Variants in NRIP2 observed in about 807,000 individuals in gnomAD.
The protein encoded by NRIP2 is nuclear receptor-interacting protein 2.
Under a neutral mutation model 34.1 loss-of-function variants are expected in NRIP2, and 27 were observed. That is an observed-to-expected ratio of 0.79 (90% CI 0.58 to 1.09). The LOEUF (loss-of-function observed/expected upper bound fraction) is 1.09, where lower values mean the gene tolerates loss of function less well. Among genes scored for constraint, NRIP2 ranks in the 50% least tolerant of loss-of-function variants. NRIP2 has a pLI of 0.00. For synonymous variants in NRIP2, 145 were observed against 146.9 expected (o/e 0.99, Z 0.09); for missense variants, 385 against 352.6 (o/e 1.09, Z -0.74).
At position 2,834,632 on chromosome 12, in the gene NRIP2, G is replaced by A; in HGVS notation, c.342+10C>T. 6.4e-7 allele frequency: 1 copy of A among 1,572,862 alleles called. No homozygotes were observed. The highest frequency in any genetic ancestry group is 8.6e-7 in the Non-Finnish European group (1 of 1,159,844). On this transcript the variant is annotated intron_variant, in intron 1 of 5. Transcript: ENST00000337508. ...CAGGGGACGCTGGCAGGGGAGGGGT[G>A]ATGCCTCACCAAGTCCTTGGAGGTG...
At position 2,834,908 on chromosome 12, in the gene NRIP2, GTC is replaced by G. The variant is rs750711688; in HGVS notation, c.74_75del (p.Arg25ThrfsTer36). 1.5e-5 allele frequency: 25 copies of G among 1,613,668 alleles called. No homozygotes were observed. The East Asian group carries it at 5.1e-4, about 33-fold the overall frequency. On this transcript the variant is annotated frameshift_variant, in exon 1 of 6. Coordinates refer to ENST00000337508, the MANE Select transcript of NRIP2 (RefSeq NM_031474.3). LOFTEE classifies it high-confidence loss of function. ...GAGTCCTCTCTGCTTCTTCCTGCCT[GTC>G]TCTGTCCCGTGCTGCAGCTCTCTTT... is the stretch of plus-strand genomic sequence containing the variant. ...CWKESCSTGQ[R>X]QAGRSREDSV...
intron 2 of NRIP2, 200 bp downstream of exon 2, chr12:2,830,508 G>A (rs530972890): frequency 1.1e-4 from 61 of 531,388 alleles, no homozygotes; most frequent in African/African-American, 1.0e-3. Flanking sequence ...TAATGGTGGT[G>A]ACAGATGGAG....
chr12:2,833,771 C>G (rs892631300), intron 1 of NRIP2, among the ~76,000 whole-genome samples: 9 of 152,230 alleles, frequency 5.9e-5, no homozygotes, highest in African/African-American at 2.2e-4. Context: ...CTATTAGGCA[C>G]TGTTCTAAGT....
intron 1 of NRIP2, among the ~76,000 whole-genome samples, chr12:2,833,928 G>A (rs967586375): frequency 7.2e-5 from 11 of 152,198 alleles, no homozygotes; most frequent in Admixed American, 5.2e-4. Context: ...GATCCCAAGC[G>A]AAGTGGCTGC....
At position 2,826,861 on chromosome 12, in the gene NRIP2, G is replaced by A. The variant is rs928712404; in HGVS notation, c.*346C>T. The A allele has an allele frequency of 1.1e-4, 53 of 496,354 alleles. No homozygotes were observed. Among genetic ancestry groups the A allele is most frequent in the African/African-American group, 9.7e-4 (46 of 47,508 alleles). 30.7% of individuals were successfully genotyped at this position (496,354 alleles called of 1,614,324 possible). A position where few individuals can be genotyped will look rare whatever the true frequency, so the allele number is the denominator to read the frequency against. Reference sequence around the variant, plus strand: ...TGGGGTGGTATTGGGTGATGGACAAGGACAGCAGTCAGCAGAGCCTTCGAC... The same window carrying A: ...TGGGGTGGTATTGGGTGATGGACAAAGACAGCAGTCAGCAGAGCCTTCGAC... On this transcript the variant is annotated 3_prime_UTR_variant, in exon 6 of 6. Transcript: ENST00000337508.
chr12:2,830,807 A>T lies in NRIP2; in HGVS notation c.396T>A (p.Leu132=), dbSNP rs1274949620. The change falls in exon 2 of 6, where the codon CTT becomes CTA. Residue 132 remains leucine, a synonymous_variant. Transcript: ENST00000337508. The stretch of plus-strand genomic sequence containing the variant: ...CCTGCATCCGGGGAGGCTCCCCCTG[A>T]AGCCAATTCGGGTTTCCCTCCACCA... ...RRLVEGNPNW[L]QGEPPRMQDL... 6.2e-7 allele frequency: 1 copy of T among 1,613,714 alleles called. No individual in the cohort carries two copies.
chr12:2,833,290 G>A (rs377580590), intron 1 of NRIP2, among the ~76,000 whole-genome samples: 1 of 152,100 alleles, frequency 6.6e-6, no homozygotes, highest in Non-Finnish European at 1.5e-5. Context: ...GAGAGCCGAA[G>A]AACCCGCTTC....
In NRIP2 at chr12:2,827,376, T is replaced by C. The variant is rs1044549462; in HGVS notation, c.754-77A>G. ...CCCGGCCTGCTCCTTTTGTTCCCCC[T>C]CCCACTTCCCACAGCTTCCACCTGC... On this transcript the variant is annotated intron_variant, in intron 5 of 5. Coordinates refer to ENST00000337508, the MANE Select transcript of NRIP2 (RefSeq NM_031474.3). The surrounding 1 kb of genome is among the most constrained non-coding windows in gnomAD (Gnocchi z 4.0). 2.6e-6 allele frequency: 4 copies of C among 1,539,508 alleles called. No individual in the cohort carries two copies. Among genetic ancestry groups the C allele is most frequent in the Admixed American group, 4.5e-5 (2 of 44,884 alleles).
chr12:2,829,315 G>A (rs1256733857), intron 2 of NRIP2, among the ~76,000 whole-genome samples: 3 of 152,062 alleles, frequency 2.0e-5, no homozygotes, highest in Non-Finnish European at 4.4e-5. Flanking sequence ...TTTGATATAC[G>A]CTTGGATATA....
At position 2,827,340 on chromosome 12, in the gene NRIP2, G is replaced by T. The variant is rs762258695; in HGVS notation, c.754-41C>A. The T allele has an allele frequency of 2.5e-6, 4 of 1,588,232 alleles. No homozygotes were observed. The highest frequency in any genetic ancestry group is 2.6e-6 in the Non-Finnish European group (3 of 1,169,412). On this transcript the variant is annotated intron_variant, in intron 5 of 5. Transcript: ENST00000337508. This position sits in a 1 kb window ranked among gnomAD's most constrained non-coding sequence, Gnocchi z 4.0. ...CAGTCATGCCAGGTCACCTCAGCCC[G>T]CCACCTGCCTCCCGGCCTGCTCCTT...
intron 1 of NRIP2, among the ~76,000 whole-genome samples, chr12:2,832,052 A>G (rs1190378961): frequency 6.6e-6 from 1 of 151,840 alleles, no homozygotes; most frequent in Admixed American, 6.6e-5. Context: ...AAACCTTGCT[A>G]CTCCAAAATG....
Position 2,827,700 on chromosome 12 carries a change from G to C in NRIP2, c.701-23C>G. On this transcript the variant is annotated intron_variant, in intron 4 of 5. Transcript: ENST00000337508. This position sits in a 1 kb window ranked among gnomAD's most constrained non-coding sequence, Gnocchi z 4.0. ...CATCTATAGGAACAATTTGAAAACA[G>C]AAGAGGCTGAGGGTTCCCAGTGGTC... The C allele has an allele frequency of 6.2e-7, 1 of 1,613,814 alleles. No homozygotes were observed. Among genetic ancestry groups the C allele is most frequent in the South Asian group, 1.1e-5 (1 of 91,054 alleles).
At chr12:2,830,941 C>T in intron 1 of NRIP2, 81 bp from the exon 2 acceptor site, 1 of 1,470,342 alleles carries the variant, frequency 6.8e-7, no homozygotes, top group Non-Finnish European at 9.2e-7. Context: ...CTTAGATACC[C>T]CAGGATGCTC....
intron 1 of NRIP2, among the ~76,000 whole-genome samples, chr12:2,831,945 C>G (rs1565432002): frequency 6.6e-6 from 1 of 152,102 alleles, no homozygotes; most frequent in East Asian, 1.9e-4. Context: ...CCCCACAGCT[C>G]TCTCGGATCC....
At position 2,826,746 on chromosome 12, in the gene NRIP2, T is replaced by C. The variant is rs1390450435; in HGVS notation, c.*461A>G. ...ACACCAGGAGGTCCAGGGACATAGG[T>C]TGGTGAGGCATGGCGGTCTAGTTGT... On this transcript the variant is annotated 3_prime_UTR_variant, in exon 6 of 6. Coordinates refer to ENST00000337508, the MANE Select transcript of NRIP2 (RefSeq NM_031474.3). 1.0e-5 allele frequency: 2 copies of C among 194,148 alleles called. No homozygotes were observed. Among genetic ancestry groups the C allele is most frequent in the Non-Finnish European group, 2.1e-5 (2 of 96,076 alleles). The allele number at this position is 194,148 out of a possible 1,614,324, so 12.0% of individuals were successfully genotyped here.
intron 2 of NRIP2, among the ~76,000 whole-genome samples, chr12:2,828,700 G>A (rs533902785): frequency 1.8e-4 from 27 of 152,198 alleles, no homozygotes; most frequent in Admixed American, 1.4e-3. Context: ...AAATTAGCTG[G>A]GTGTGGTGGC....
At position 2,827,414 on chromosome 12, in the gene NRIP2, C is replaced by A. The variant is rs951179123; in HGVS notation, c.754-115G>T. The A allele has an allele frequency of 5.9e-6, 9 of 1,519,436 alleles. No homozygotes were observed. The African/African-American group carries it at 1.1e-4, about 19-fold the overall frequency. 94.1% of individuals were successfully genotyped at this position (1,519,436 alleles called of 1,614,324 possible). ...AGCTTCCACCTGCCTTTTGCTCTTC[C>A]CCCATCCCCATTTCCCTAGACTCCT... On this transcript the variant is annotated intron_variant, in intron 5 of 5. Transcript: ENST00000337508. The surrounding 1 kb of genome is among the most constrained non-coding windows in gnomAD (Gnocchi z 4.0).
In NRIP2 at chr12:2,827,919, GA is replaced by G; in HGVS notation, c.700+6del. 6.2e-7 allele frequency: 1 copy of G among 1,613,948 alleles called. No individual in the cohort carries two copies. The highest frequency in any genetic ancestry group is 1.1e-5 in the South Asian group (1 of 91,068). On this transcript the variant is annotated splice_donor_region_variant and intron_variant, in intron 4 of 5. Coordinates refer to ENST00000337508, the MANE Select transcript of NRIP2 (RefSeq NM_031474.3). This position sits in a 1 kb window ranked among gnomAD's most constrained non-coding sequence, Gnocchi z 4.0. ...GCACCAGGGCTGTTGCAGAAGGGGG[GA>G]CTTACCCACCACCTGTGCCGAGCAC...
intron 2 of NRIP2, among the ~76,000 whole-genome samples, chr12:2,829,628 G>T (rs1299299221): frequency 1.3e-5 from 2 of 151,986 alleles, no homozygotes; most frequent in African/African-American, 2.4e-5. Flanking sequence ...TTAGCCAGCT[G>T]TGGTGGCGCA....
Sources: gnomAD v4.1 joint callset for allele counts (sites outside exome capture counted in the v4.1 genomes callset) on GRCh38, gnomAD v4.1.1 for gene constraint, Gnocchi (gnomAD v3.1) non-coding constraint, MANE v1.5 for transcripts, NCBI Gene and HGNC (gene_info 2026-07-23, HGNC 2026-07-21) for gene names.